The following MORC2 variants were observed in gnomAD, a reference collection of about 807,000 sequenced individuals.
MORC2 encodes the protein ATPase MORC2.
A neutral mutation model predicts 136.0 loss-of-function variants in MORC2; 30 were observed. The observed-to-expected ratio is 0.22, with a 90% CI of 0.17 to 0.30. The LOEUF (loss-of-function observed/expected upper bound fraction) is 0.30, where lower values mean the gene tolerates loss of function less well. MORC2 is among the 10% of genes least tolerant of loss of function. The probability of loss-of-function intolerance (pLI) is 1.00; values close to 1 mark genes in which losing one functional copy is unlikely to be tolerated. For missense variants in MORC2, 922 were observed against 1,333.1 expected (o/e 0.69, Z 4.80); for synonymous variants, 439 against 487.0 (o/e 0.90, Z 1.30).
In MORC2 at chr22:30,938,142, C is replaced by G; in HGVS notation, c.1137G>C (p.Leu379=). ...VFGVNIEHRD[L]DGMFIYNCSR... ...TACAGTTGTAGATGAACATGCCATC[C>G]AGATCCCGGTGTTCAATGTTGACAC... The change falls in exon 13 of 26, where the codon CTG becomes CTC. Residue 379 remains leucine (L), a synonymous_variant. Transcript: ENST00000397641. 2 of 1,614,116 alleles carry G rather than the reference C, an allele frequency of 1.2e-6. No homozygotes were observed. The highest frequency in any genetic ancestry group is 1.7e-6 in the Non-Finnish European group (2 of 1,180,028).
intron 5 of MORC2, among the ~76,000 whole-genome samples, chr22:30,948,677 T>A (rs761206360): frequency 6.6e-6 from 1 of 150,590 alleles, no homozygotes; most frequent in African/African-American, 2.4e-5. Context: ...AAAGACCTGG[T>A]TCCTACCCTA....
intron 1 of MORC2, among the ~76,000 whole-genome samples, chr22:30,959,737 T>G (rs1039333225): frequency 6.6e-6 from 1 of 152,234 alleles, no homozygotes; most frequent in Admixed American, 6.5e-5. Context: ...CTGACTTTTT[T>G]GCATAGAGTT....
intron 1 of MORC2, among the ~76,000 whole-genome samples, chr22:30,964,997 C>T (rs1047219445): frequency 5.3e-5 from 8 of 152,170 alleles, no homozygotes; most frequent in African/African-American, 1.9e-4. Flanking sequence ...ATATAATCCT[C>T]GTAAAAACTG....
intron 3 of MORC2, among the ~76,000 whole-genome samples, chr22:30,953,501 T>C (rs1023974071): frequency 2.0e-5 from 3 of 152,214 alleles, no homozygotes; most frequent in Non-Finnish European, 4.4e-5. Flanking sequence ...AGATGTCAAA[T>C]GGAGCTATAC....
intron 12 of MORC2, among the ~76,000 whole-genome samples, chr22:30,938,915 T>C (rs1390471333): frequency 2.0e-5 from 3 of 152,220 alleles, no homozygotes; most frequent in African/African-American, 7.2e-5. Flanking sequence ...ATAATAAGCA[T>C]GTGCAATAAG....
In MORC2 at chr22:30,942,236, G is replaced by A. The variant is rs191382105; in HGVS notation, c.462C>T (p.Thr154=). 56 of 1,613,486 alleles carry A rather than the reference G, an allele frequency of 3.5e-5. No individual in the cohort carries two copies. The Middle Eastern group carries it at 8.6e-4, about 25-fold the overall frequency. The change falls in exon 7 of 26, where the codon ACC becomes ACT. Residue 154 remains threonine (T), a synonymous_variant. Coordinates refer to ENST00000397641, the MANE Select transcript of MORC2 (RefSeq NM_001303256.3). ...IVPLPTWNAR[T]REPVTDNVEK... The stretch of plus-strand genomic sequence containing the variant: ...CTACATTGTCTGTGACAGGTTCCCG[G>A]GTCCGAGCATTCCAGGTGGGCAGTG...
intron 6 of MORC2, 112 bp from the exon 7 acceptor site, chr22:30,942,383 G>A: frequency 8.1e-7 from 1 of 1,237,082 alleles, no homozygotes; most frequent in Non-Finnish European, 1.1e-6. Flanking sequence ...CCCTGTAGGT[G>A]AGGCCCAAGC....
In MORC2 at chr22:30,932,234, G is replaced by A. The variant is rs968847220; in HGVS notation, c.2841+125C>T. 4.7e-6 allele frequency: 4 copies of A among 852,348 alleles called. No individual in the cohort carries two copies. Among genetic ancestry groups the A allele is most frequent in the African/African-American group, 1.7e-5 (1 of 59,092 alleles). 52.8% of individuals were successfully genotyped at this position (852,348 alleles called of 1,614,324 possible). On this transcript the variant is annotated intron_variant, in intron 24 of 25. Transcript: ENST00000397641. This position sits in a 1 kb window ranked among gnomAD's most constrained non-coding sequence, Gnocchi z 4.4. Reference sequence around the variant, plus strand: ...AGCAGGAGAGAGGCTGGCTGAGATGGAGCACACAGCTGAGAGCTAGCAACT... The same window carrying A: ...AGCAGGAGAGAGGCTGGCTGAGATGAAGCACACAGCTGAGAGCTAGCAACT...
chr22:30,964,080 G>C (rs1280510890), intron 1 of MORC2, among the ~76,000 whole-genome samples: 7 of 152,182 alleles, frequency 4.6e-5, no homozygotes, highest in Non-Finnish European at 8.8e-5. Context: ...AAATAGGGCT[G>C]GGTGCAGTGG....
intron 5 of MORC2, 113 bp downstream of exon 5, chr22:30,949,638 TC>T (rs1194782427): frequency 1.1e-5 from 10 of 887,680 alleles, no homozygotes; most frequent in Non-Finnish European, 1.4e-5. Context: ...TTCTTCCAGT[TC>T]CAGAATTATA....
Position 30,932,146 on chromosome 22 carries a change from A to G in MORC2, c.2841+213T>C. On this transcript the variant is annotated intron_variant, in intron 24 of 25. Coordinates refer to ENST00000397641, the MANE Select transcript of MORC2 (RefSeq NM_001303256.3). The surrounding 1 kb of genome is among the most constrained non-coding windows in gnomAD (Gnocchi z 4.4). Reference sequence around the variant, plus strand: ...TGGTGGGAAGGGGTTGGCTTTCTGCACACCAGAGTCATATCCAGCTAAGCC... The same window carrying G: ...TGGTGGGAAGGGGTTGGCTTTCTGCGCACCAGAGTCATATCCAGCTAAGCC... The G allele has an allele frequency of 1.9e-6, 1 of 519,946 alleles. No individual in the cohort carries two copies. The highest frequency in any genetic ancestry group is 3.4e-6 in the Non-Finnish European group (1 of 292,070). 32.2% of individuals were successfully genotyped at this position (519,946 alleles called of 1,614,324 possible).
chr22:30,961,196 G>A (rs1364701791), intron 1 of MORC2, among the ~76,000 whole-genome samples: 1 of 151,958 alleles, frequency 6.6e-6, no homozygotes, highest in Non-Finnish European at 1.5e-5. Flanking sequence ...AAAAATATCT[G>A]TCTTGTGCCC....
intron 3 of MORC2, 109 bp from the exon 4 acceptor site, chr22:30,950,554 C>G: frequency 1.9e-6 from 2 of 1,065,384 alleles, no homozygotes; most frequent in Non-Finnish European, 2.8e-6. Context: ...AAGGTCAGGT[C>G]AAGCCTAAAC....
At position 30,941,314 on chromosome 22, in the gene MORC2, C is replaced by T; in HGVS notation, c.824+119G>A. The T allele has an allele frequency of 7.1e-7, 1 of 1,411,944 alleles. No homozygotes were observed. Among genetic ancestry groups the T allele is most frequent in the South Asian group, 1.4e-5 (1 of 70,928 alleles). 87.5% of individuals were successfully genotyped at this position (1,411,944 alleles called of 1,614,324 possible). On this transcript the variant is annotated intron_variant, in intron 9 of 25. Coordinates refer to ENST00000397641, the MANE Select transcript of MORC2 (RefSeq NM_001303256.3). The surrounding 1 kb of genome is among the most constrained non-coding windows in gnomAD (Gnocchi z 4.6). ...ACCAATCACAGGCAACTTAAAGTCC[C>T]AAACGTAGTCAGCACTGCCAGAGCC...
At chr22:30,962,129 TA>T (rs1331004529) in intron 1 of MORC2, among the ~76,000 whole-genome samples, 2 of 147,222 alleles carry the variant, frequency 1.4e-5, no homozygotes, top group African/African-American at 5.1e-5. Context: ...ACCCGGGAGG[TA>T]GAGGTTGCAT....
At chr22:30,956,592 C>A (rs1170490033) in intron 3 of MORC2, among the ~76,000 whole-genome samples, 171 bp downstream of exon 3, 2 of 152,186 alleles carry the variant, frequency 1.3e-5, no homozygotes, top group Non-Finnish European at 2.9e-5. Flanking sequence ...TATGCCTGAC[C>A]AGAGCTGACC....
chr22:30,936,785 T>C, intron 16 of MORC2, 142 bp from the exon 17 acceptor site: 1 of 1,298,724 alleles, frequency 7.7e-7, no homozygotes, highest in Admixed American at 2.0e-5. Context: ...TCTTATACAC[T>C]GCAGGACATA....
intron 4 of MORC2, 24 bp downstream of exon 4, chr22:30,950,353 C>CCCCAACA: frequency 6.7e-7 from 1 of 1,481,962 alleles, no homozygotes; most frequent in Non-Finnish European, 9.4e-7. Flanking sequence ...CCCCACCCCC[C>CCCCAACA]AAAACAATAA....
At chr22:30,959,787 G>T (rs1429022209) in intron 1 of MORC2, among the ~76,000 whole-genome samples, 1 of 152,176 alleles carries the variant, frequency 6.6e-6, no homozygotes, top group Admixed American at 6.5e-5. Flanking sequence ...TTCAGTTAAA[G>T]TAAGAATTTT....
Sources: allele counts gnomAD v4.1 joint callset (sites outside exome capture counted in the v4.1 genomes callset), GRCh38; gene constraint gnomAD v4.1.1; non-coding constraint Gnocchi (gnomAD v3.1); transcripts MANE v1.5; gene names NCBI Gene and HGNC (gene_info 2026-07-23, HGNC 2026-07-21).